ABR: variants seen among roughly 807,000 people sequenced by gnomAD.
The protein encoded by ABR is ABR activator of RhoGEF and GTPase.
A neutral mutation model predicts 107.2 loss-of-function variants in ABR; 35 were observed. The observed-to-expected ratio is 0.33, with a 90% confidence interval of 0.25 to 0.43. ABR has a LOEUF of 0.43. Among genes scored for constraint, ABR ranks in the 20% least tolerant of loss-of-function variants. ABR has a pLI of 1.00. For synonymous variants in ABR, 498 were observed against 462.0 expected (o/e 1.08, Z -1.00); for missense variants, 815 against 1,115.2 (o/e 0.73, Z 3.83).
chr17:1,129,889 A>G (rs2039752036), intron 1 of ABR, among the ~76,000 whole-genome samples: 1 of 152,102 alleles, frequency 6.6e-6, no homozygotes, highest in South Asian at 2.1e-4. Context: ...GGGGGTTGTG[A>G]TGAGCTGAGA....
At chr17:1,218,296 A>G (rs7209568) in intron 1 of ABR, among the ~76,000 whole-genome samples, 27,865 of 152,206 alleles carry the variant, frequency 0.18, 2,677 homozygotes, top group Middle Eastern at 0.21. Flanking sequence ...CTGGATCCAA[A>G]CCCAGTTTCT....
Position 1,050,749 on chromosome 17 carries a change from A to G in ABR, c.1562-115T>C. 1.2e-6 allele frequency: 1 copy of G among 828,250 alleles called. No individual in the cohort carries two copies. Among genetic ancestry groups the G allele is most frequent in the Non-Finnish European group, 2.0e-6 (1 of 496,198 alleles). 51.3% of individuals were successfully genotyped at this position (828,250 alleles called of 1,614,324 possible). A position where few individuals can be genotyped will look rare whatever the true frequency, so the allele number is the denominator to read the frequency against. Reference sequence around the variant, plus strand: ...TCTGTCCTTTCCAACGTCCCCACGGATGGCATCTTGGCTCTCTCCTCCCTG... The same window carrying G: ...TCTGTCCTTTCCAACGTCCCCACGGGTGGCATCTTGGCTCTCTCCTCCCTG... On this transcript the variant is annotated intron_variant, in intron 14 of 22. Transcript: ENST00000302538. This position sits in a 1 kb window ranked among gnomAD's most constrained non-coding sequence, Gnocchi z 4.6.
At chr17:1,029,701 G>A (rs2072549154) in intron 16 of ABR, among the ~76,000 whole-genome samples, 1 of 152,198 alleles carries the variant, frequency 6.6e-6, no homozygotes, top group Non-Finnish European at 1.5e-5. Context: ...TAATGTGGCT[G>A]AGGATAGAAA....
intron 16 of ABR, among the ~76,000 whole-genome samples, chr17:1,023,460 G>A (rs8068895): frequency 0.026 from 3,968 of 152,326 alleles, 156 homozygotes; most frequent in African/African-American, 0.088. Flanking sequence ...CCAGGAAGCC[G>A]GCCCTGCCCC....
chr17:1,172,486 C>T (rs1242745619), intron 1 of ABR, among the ~76,000 whole-genome samples: 1 of 152,150 alleles, frequency 6.6e-6, no homozygotes, highest in Non-Finnish European at 1.5e-5. Context: ...CACGGTGGCT[C>T]ACACCTGTCA....
chr17:1,146,292 C>CACACAT (rs1301673725), intron 1 of ABR, among the ~76,000 whole-genome samples: 4 of 151,288 alleles, frequency 2.6e-5, no homozygotes, highest in African/African-American at 9.7e-5. Flanking sequence ...CACACACACA[C>CACACAT]ACACATCACA....
intron 1 of ABR, among the ~76,000 whole-genome samples, chr17:1,227,381 C>A (rs2043241889): frequency 6.6e-6 from 1 of 152,128 alleles, no homozygotes; most frequent in African/African-American, 2.4e-5. Flanking sequence ...GCATTTGGAA[C>A]TTGGCACTAG....
At chr17:1,024,169 G>A (rs1321592092) in intron 16 of ABR, among the ~76,000 whole-genome samples, 3 of 152,170 alleles carry the variant, frequency 2.0e-5, no homozygotes, top group Non-Finnish European at 4.4e-5. Context: ...CAGGGCCCAG[G>A]TCAGCTCTGA....
chr17:1,028,861 A>G (rs1458977315), intron 16 of ABR, among the ~76,000 whole-genome samples: 3 of 151,740 alleles, frequency 2.0e-5, no homozygotes, highest in Non-Finnish European at 4.4e-5. Context: ...CTTCCCCGAC[A>G]GACAAATGCT....
At chr17:1,201,421 A>C (rs1286235952) in intron 1 of ABR, among the ~76,000 whole-genome samples, 1 of 152,144 alleles carries the variant, frequency 6.6e-6, no homozygotes, top group East Asian at 1.9e-4. Context: ...CCTCGTTAGC[A>C]CTCACGCAGT....
At chr17:1,188,754 C>T (rs2042369245), upstream of ABR, among the ~76,000 whole-genome samples, 1 of 152,134 alleles carries the variant, frequency 6.6e-6, no homozygotes, top group East Asian at 1.9e-4. Flanking sequence ...GTCCTCTTTC[C>T]CCATCACACT....
chr17:1,161,817 A>G (rs2041307445), intron 1 of ABR, among the ~76,000 whole-genome samples: 1 of 152,156 alleles, frequency 6.6e-6, no homozygotes, highest in African/African-American at 2.4e-5. Context: ...GACCTCCCAC[A>G]GTGCTGGGAT....
chr17:1,055,368 G>C (rs1163271273), intron 14 of ABR: 2 of 152,310 alleles, frequency 1.3e-5, no homozygotes, highest in Non-Finnish European at 2.9e-5. Flanking sequence ...CTGCTCTCGG[G>C]TCAAAATTCA....
chr17:1,067,285 G>C (rs972408858), intron 9 of ABR, 43 bp from the exon 10 acceptor site: 1 of 1,520,654 alleles, frequency 6.6e-7, no homozygotes, highest in Non-Finnish European at 8.8e-7. Flanking sequence ...AGGGAGCCTG[G>C]CTCTTCCAGC....
chr17:1,010,736 C>T lies in ABR; in HGVS notation c.2229G>A (p.Glu743=). Residue 743 remains glutamate, a synonymous_variant, in exon 20 of 23, where the codon GAG becomes GAA. Coordinates refer to ENST00000302538, the MANE Select transcript of ABR (RefSeq NM_021962.5). This position sits in a 1 kb window ranked among gnomAD's most constrained non-coding sequence, Gnocchi z 4.1. ...GAGCCCTCAGGGCCTCACCGATGCCCTCCATGAAGGCTGGGTAGAGTCGGT... is the reference window on the plus strand; with the variant it reads ...GAGCCCTCAGGGCCTCACCGATGCCTTCCATGAAGGCTGGGTAGAGTCGGT... ...LTDRLYPAFM[E]GIALSDPAAK... 1 of 1,613,680 alleles carries T rather than the reference C, an allele frequency of 6.2e-7. No homozygotes were observed. Among genetic ancestry groups the T allele is most frequent in the Non-Finnish European group, 8.5e-7 (1 of 1,179,986 alleles).
chr17:1,091,765 T>C lies in ABR; in HGVS notation c.431A>G (p.Gln144Arg). Residue 144 changes from glutamine (Q) to arginine (R), a missense_variant, in exon 4 of 23, where the codon CAG becomes CGG. By Grantham distance (43) the Gln-to-Arg change is conservative. Transcript: ENST00000302538. ...QQIETIFYKI[Q>R]DIYEIHKEFY... is the part of the protein sequence containing the mutation. ...CTCCTTGTGGATCTCATAGATGTCC[T>C]GGATCTTGTAGAAGATGGTCTCGAT... 6.2e-7 allele frequency: 1 copy of C among 1,614,176 alleles called. No individual in the cohort carries two copies. The highest frequency in any genetic ancestry group is 8.5e-7 in the Non-Finnish European group (1 of 1,180,020).
intron 16 of ABR, among the ~76,000 whole-genome samples, chr17:1,023,334 T>TC (rs923054630): frequency 2.6e-5 from 4 of 152,088 alleles, no homozygotes; most frequent in Non-Finnish European, 4.4e-5. Context: ...CAGGCACATC[T>TC]CCCCCAGCGG....
rs563387663 is a variant in ABR, at chr17:1,004,347, A to G, written c.*1733T>C. 4.6e-5 allele frequency: 7 copies of G among 152,634 alleles called. No homozygotes were observed. The highest frequency in any genetic ancestry group is 1.7e-4 in the African/African-American group (7 of 41,588). 9.5% of individuals were successfully genotyped at this position (152,634 alleles called of 1,614,324 possible). A position where few individuals can be genotyped will look rare whatever the true frequency, so the allele number is the denominator to read the frequency against. On this transcript the variant is annotated 3_prime_UTR_variant, in exon 23 of 23. Transcript: ENST00000302538. ...GCACAGAGTATTTACTGTTCTGCCCAAGGCCACAGGAGTAAACAGGCTCAA... is the reference window on the plus strand; with the variant it reads ...GCACAGAGTATTTACTGTTCTGCCCGAGGCCACAGGAGTAAACAGGCTCAA...
At chr17:1,021,488 G>C (rs1214440710) in intron 16 of ABR, among the ~76,000 whole-genome samples, 1 of 152,218 alleles carries the variant, frequency 6.6e-6, no homozygotes, top group Non-Finnish European at 1.5e-5. Context: ...TCCCTCAGAG[G>C]GGGTTGCAGA....
Sources: gnomAD v4.1 joint callset for allele counts (sites outside exome capture counted in the v4.1 genomes callset) on GRCh38, gnomAD v4.1.1 for gene constraint, Gnocchi (gnomAD v3.1) non-coding constraint, MANE v1.5 for transcripts, NCBI Gene and HGNC (gene_info 2026-07-23, HGNC 2026-07-21) for gene names.